TTI1: variants seen among roughly 807,000 people sequenced by gnomAD.
TTI1 encodes the protein TELO2-interacting protein 1 homolog.
In TTI1, 52 loss-of-function variants were observed where a neutral mutation model predicts 85.4. The ratio of observed to expected loss-of-function variants is 0.61; its 90% CI spans 0.49 to 0.77. The LOEUF is 0.77. Among genes scored for constraint, TTI1 ranks in the 30% least tolerant of loss-of-function variants. TTI1 has a pLI of 0.00. For synonymous variants in TTI1, 512 were observed against 503.9 expected (o/e 1.02, Z -0.22); for missense variants, 1,173 against 1,296.0 (o/e 0.91, Z 1.46).
At chr20:37,999,451 G>T in intron 4 of TTI1, 123 bp from the exon 5 acceptor site, 2 of 1,067,794 alleles carry the variant, frequency 1.9e-6, no homozygotes, top group Non-Finnish European at 2.4e-6. Context: ...TCTGAGTGCT[G>T]ACTACATGCC....
intron 4 of TTI1, chr20:38,000,540 G>A (rs755712984): frequency 6.5e-6 from 1 of 154,662 alleles, no homozygotes; most frequent in Non-Finnish European, 1.5e-5. Context: ...CGAGGCACTC[G>A]TTAGTCTGCA....
intron 7 of TTI1, among the ~76,000 whole-genome samples, chr20:37,988,997 C>G (rs2073227936): frequency 6.6e-6 from 1 of 152,158 alleles, no homozygotes; most frequent in Non-Finnish European, 1.5e-5. Flanking sequence ...AGCAGTGGGG[C>G]TATGTTTCTA....
intron 1 of TTI1, among the ~76,000 whole-genome samples, chr20:38,019,568 T>C (rs1284806534): frequency 6.6e-6 from 1 of 151,752 alleles, no homozygotes; most frequent in Non-Finnish European, 1.5e-5. Context: ...CCTAACAAGA[T>C]TACAGGGCAG....
intron 1 of TTI1, among the ~76,000 whole-genome samples, chr20:38,014,818 G>A (rs1423268040): frequency 6.6e-6 from 1 of 152,178 alleles, no homozygotes; most frequent in Non-Finnish European, 1.5e-5. Context: ...AGTGAACAAG[G>A]AGAAGGATAA....
In TTI1 at chr20:38,012,386, G is replaced by A. The variant is rs2073610099; in HGVS notation, c.1431C>T (p.Arg477=). ...TGAAGATTCTCTCATCAGTGAAGAAGCGGAAATATCTCCTCTGGATGCGGT... is the reference window on the plus strand; with the variant it reads ...TGAAGATTCTCTCATCAGTGAAGAAACGGAAATATCTCCTCTGGATGCGGT... The part of the protein sequence containing the change: ...PWNRIQRRYF[R]FFTDERIFML... Residue 477 remains arginine, a synonymous_variant, in exon 2 of 8, where the codon CGC becomes CGT. Coordinates refer to ENST00000373447, the MANE Select transcript of TTI1 (RefSeq NM_001303457.2). 1 of 1,614,196 alleles carries A rather than the reference G, an allele frequency of 6.2e-7. No individual in the cohort carries two copies. Among genetic ancestry groups the A allele is most frequent in the Non-Finnish European group, 8.5e-7 (1 of 1,180,044 alleles).
intron 1 of TTI1, among the ~76,000 whole-genome samples, chr20:38,016,772 A>G (rs1335687338): frequency 2.0e-5 from 3 of 152,194 alleles, no homozygotes; most frequent in Non-Finnish European, 4.4e-5. Flanking sequence ...CACATTTCAC[A>G]ATGACACTTA....
At chr20:37,995,581 T>A (rs897171925) in intron 7 of TTI1, among the ~76,000 whole-genome samples, 2 of 152,240 alleles carry the variant, frequency 1.3e-5, no homozygotes, top group Non-Finnish European at 2.9e-5. Context: ...TACCCTGGGA[T>A]GGCAGTTCCA....
At chr20:37,989,379 A>C (rs943258562) in intron 7 of TTI1, among the ~76,000 whole-genome samples, 1 of 152,246 alleles carries the variant, frequency 6.6e-6, no homozygotes, top group African/African-American at 2.4e-5. Context: ...ATACCTCTGA[A>C]GTGCCACAAG....
intron 2 of TTI1, among the ~76,000 whole-genome samples, chr20:38,006,886 AC>A (rs2073508939): frequency 6.6e-6 from 1 of 152,220 alleles, no homozygotes; most frequent in Non-Finnish European, 1.5e-5. Context: ...ATTGGTCACC[AC>A]TGGAAATCTA....
chr20:38,001,096 C>A (rs1482622658), intron 4 of TTI1, among the ~76,000 whole-genome samples: 1 of 152,220 alleles, frequency 6.6e-6, no homozygotes, highest in Non-Finnish European at 1.5e-5. Context: ...TCTCTCCCCA[C>A]AAAAGACAGG....
chr20:38,014,046 C>T (rs959255280), intron 1 of TTI1, 189 bp from the exon 2 acceptor site: 1 of 569,242 alleles, frequency 1.8e-6, no homozygotes, highest in Non-Finnish European at 3.0e-6. Context: ...AATAAAGTCT[C>T]TTCAGGATTA....
chr20:38,006,165 A>G (rs2073494768), intron 3 of TTI1, 32 bp downstream of exon 3: 3 of 1,611,552 alleles, frequency 1.9e-6, no homozygotes, highest in Non-Finnish European at 1.7e-6. Context: ...TTCAGAAAGA[A>G]AAAACCAGCT....
At position 38,021,437 on chromosome 20, in the gene TTI1, T is replaced by C. The variant is rs1028274672; in HGVS notation, c.-41-7580A>G. 2.0e-5 allele frequency among the ~76,000 whole-genome samples: 3 copies of C among 152,070 alleles called. No individual in the cohort carries two copies. In the South Asian group the frequency reaches 6.2e-4, roughly 31 times the overall value. ...AAAATGCAACCCTGATTACTTAGAG[T>C]GGTGCTGCACCAAAGTTTGATATTT... is the stretch of plus-strand genomic sequence containing the variant. On this transcript the variant is annotated intron_variant, in intron 1 of 7. Coordinates refer to ENST00000373447, the MANE Select transcript of TTI1 (RefSeq NM_001303457.2).
At chr20:38,024,505 G>A (rs986194961) in intron 1 of TTI1, among the ~76,000 whole-genome samples, 4 of 152,112 alleles carry the variant, frequency 2.6e-5, no homozygotes, top group Admixed American at 6.5e-5. Context: ...AAGCCCTGGA[G>A]CTGAAGAAGC....
chr20:38,012,894 A>G lies in TTI1; in HGVS notation c.923T>C (p.Leu308Pro), dbSNP rs780828442. 6.2e-7 allele frequency: 1 copy of G among 1,614,224 alleles called. No individual in the cohort carries two copies. Among genetic ancestry groups the G allele is most frequent in the South Asian group, 1.1e-5 (1 of 91,082 alleles). Residue 308 changes from leucine to proline, a missense_variant, in exon 2 of 8, where the codon CTG becomes CCG. Leu to Pro is a moderately conservative substitution (Grantham distance 98). Transcript: ENST00000373447. ...GTCCTCCACAAGTTCTACCAGTTCC[A>G]GTCTCACCTTCCAGTGTGGGTGAAC... ...VSVHPHWKVR[L>P]ELVELVEDLL...
At chr20:38,027,963 T>G (rs968160232) in intron 1 of TTI1, among the ~76,000 whole-genome samples, 2 of 152,096 alleles carry the variant, frequency 1.3e-5, no homozygotes, top group Non-Finnish European at 2.9e-5. Context: ...ACAATTACTA[T>G]TCATTAAGTG....
chr20:38,012,275 T>C lies in TTI1; in HGVS notation c.1542A>G (p.Gln514=), dbSNP rs142042271. 5 of 1,614,198 alleles carry C rather than the reference T, an allele frequency of 3.1e-6. No individual in the cohort carries two copies. The Admixed American group carries it at 5.0e-5, about 16-fold the overall frequency. The stretch of plus-strand genomic sequence containing the variant: ...CAGCTTGCTTCCGGTAAACCACAGA[T>C]TGATGGTAAAGTTCCATAAAGTGAT... ...LVDHFMELYH[Q]SVVYRKQAAM... is the part of the protein sequence containing the mutation. Residue 514 remains glutamine (Q), a synonymous_variant, in exon 2 of 8, where the codon CAA becomes CAG. Transcript: ENST00000373447.
chr20:38,015,376 A>G (rs1397478571), intron 1 of TTI1, among the ~76,000 whole-genome samples: 2 of 152,210 alleles, frequency 1.3e-5, no homozygotes, highest in East Asian at 3.9e-4. Context: ...TCCCTATCTC[A>G]GGCTAGAAAA....
At chr20:37,986,032 G>A (rs1309838923) in intron 7 of TTI1, among the ~76,000 whole-genome samples, 3 of 152,150 alleles carry the variant, frequency 2.0e-5, no homozygotes, top group Non-Finnish European at 4.4e-5. Context: ...AATTAGAGTG[G>A]CAAGGGAAAT....
Sources: gnomAD v4.1 joint callset for allele counts (sites outside exome capture counted in the v4.1 genomes callset) on GRCh38, gnomAD v4.1.1 for gene constraint, MANE v1.5 for transcripts, NCBI Gene and HGNC (gene_info 2026-07-23, HGNC 2026-07-21) for gene names.